MPND: variants seen among roughly 807,000 people sequenced by gnomAD.
MPND encodes the protein MPN domain containing.
MPND carries 56 observed loss-of-function variants against 59.2 expected under a neutral mutation model. That is an observed-to-expected ratio of 0.95 (90% CI 0.76 to 1.18). MPND has a LOEUF of 1.18. Ranked by LOEUF, MPND falls within the 50% of genes most tolerant of loss-of-function variation. The pLI, the probability that MPND is intolerant of heterozygous loss-of-function variation, is 0.00. For synonymous variants in MPND, 323 were observed against 291.9 expected (o/e 1.11, Z -1.09); for missense variants, 671 against 676.0 (o/e 0.99, Z 0.08).
At position 4,343,601 on chromosome 19, in the gene MPND, G is replaced by A. The variant is rs1972114500; in HGVS notation, c.7+1G>A. ...GCGCGGGGAGGCGCGGCCATGGCAG[G>A]TACGGCGGGCCCAGCGGGGCGGAGG... On this transcript the variant is annotated splice_donor_variant, in intron 1 of 12. Transcript: ENST00000599840. LOFTEE classifies it high-confidence loss of function. The A allele has an allele frequency of 4.1e-6, 5 of 1,218,522 alleles. No homozygotes were observed. The highest frequency in any genetic ancestry group is 5.1e-6 in the Non-Finnish European group (5 of 979,318). 75.5% of individuals were successfully genotyped at this position (1,218,522 alleles called of 1,614,324 possible).
rs967208861 is a variant in MPND at position 4,357,732 on chromosome 19, C to A, written c.1236+147C>A. 36 of 779,614 alleles carry A rather than the reference C, an allele frequency of 4.6e-5. No individual in the cohort carries two copies. The African/African-American group carries it at 4.9e-4, about 11-fold the overall frequency. 48.3% of individuals were successfully genotyped at this position (779,614 alleles called of 1,614,324 possible). A position where few individuals can be genotyped will look rare whatever the true frequency, so the allele number is the denominator to read the frequency against. On this transcript the variant is annotated intron_variant, in intron 10 of 12. Transcript: ENST00000599840. ...TATGAAATGGGGACGTGACTGCTGC[C>A]CTGCCCATATTTTGGTGAGGTCCTG...
At chr19:4,357,442 G>C (rs778667115) in intron 9 of MPND, 21 bp downstream of exon 9, 45 of 1,610,146 alleles carry the variant, frequency 2.8e-5, no homozygotes, top group Non-Finnish European at 3.7e-5. Flanking sequence ...TGGGGCTGTG[G>C]GGGGAGCAAG....
chr19:4,359,657 G>T (rs1230436759), intron 12 of MPND, among the ~76,000 whole-genome samples: 1 of 152,204 alleles, frequency 6.6e-6, no homozygotes, highest in African/African-American at 2.4e-5. Context: ...ACCAGGCAGG[G>T]AGGGGCTGAA....
At chr19:4,352,772 C>G in intron 3 of MPND, 125 bp from the exon 4 acceptor site, 1 of 952,038 alleles carries the variant, frequency 1.1e-6, no homozygotes, top group Non-Finnish European at 1.4e-6. Context: ...CTCCCTCCCT[C>G]TAGTGGTCAT....
Position 4,343,607 on chromosome 19 carries a change from C to T in MPND, c.7+7C>T. 1.8e-6 allele frequency: 2 copies of T among 1,110,484 alleles called. No individual in the cohort carries two copies. The highest frequency in any genetic ancestry group is 3.8e-5 in the East Asian group (1 of 26,618). 68.8% of individuals were successfully genotyped at this position (1,110,484 alleles called of 1,614,324 possible). On this transcript the variant is annotated splice_region_variant and intron_variant, in intron 1 of 12. Transcript: ENST00000599840. Reference sequence around the variant, plus strand: ...GGAGGCGCGGCCATGGCAGGTACGGCGGGCCCAGCGGGGCGGAGGCGCGGG... The same window carrying T: ...GGAGGCGCGGCCATGGCAGGTACGGTGGGCCCAGCGGGGCGGAGGCGCGGG...
Position 4,359,920 on chromosome 19 carries a change from C to G in MPND, c.1424C>G (p.Ser475Cys). Reference sequence around the variant, plus strand: ...GGCCCAGCCCCCTCGTTTCAGATCTCCTTGGCCAGCAGGACGCCCAAGGAC... The same window carrying G: ...GGCCCAGCCCCCTCGTTTCAGATCTGCTTGGCCAGCAGGACGCCCAAGGAC... The part of the protein sequence containing the change: ...EHTYLDKLKI[S>C]LASRTPKDQS... Residue 475 changes from serine to cysteine, a missense_variant, in exon 13 of 13, where the codon TCC becomes TGC. Physicochemically the swap from Ser to Cys is moderately radical, Grantham distance 112 (BLOSUM62 -1). Coordinates refer to ENST00000599840, the MANE Select transcript of MPND (RefSeq NM_001300862.2). 1.3e-6 allele frequency: 2 copies of G among 1,566,832 alleles called. No individual in the cohort carries two copies. Among genetic ancestry groups the G allele is most frequent in the South Asian group, 2.3e-5 (2 of 85,182 alleles).
Position 4,354,095 on chromosome 19 carries a change from C to T in MPND, c.715C>T (p.Arg239Cys), listed in dbSNP as rs372254296. 6.3e-5 allele frequency: 102 copies of T among 1,613,186 alleles called. No homozygotes were observed. The highest frequency in any genetic ancestry group is 1.2e-4 in the Admixed American group (7 of 59,972). Residue 239 changes from arginine (R) to cysteine (C), a missense_variant, in exon 5 of 13, where the codon CGC (arginine) becomes TGC (cysteine). Transcript: ENST00000599840. ...RVDSKIRVPV[R>C]YCMLGSRDLA... Reference sequence around the variant, plus strand: ...GGACAGCAAGATCCGGGTTCCGGTCCGCTACTGCATGCTGGGCAGCCGCGA... The same window carrying T: ...GGACAGCAAGATCCGGGTTCCGGTCTGCTACTGCATGCTGGGCAGCCGCGA...
At chr19:4,353,079 T>C (rs927247584) in intron 4 of MPND, 50 bp downstream of exon 4, 4 of 1,303,076 alleles carry the variant, frequency 3.1e-6, no homozygotes, top group South Asian at 2.9e-5. Context: ...ACAGCTCGGG[T>C]TGGGGAGGAG....
intron 3 of MPND, chr19:4,347,271 T>C (rs6510806): frequency 0.17 from 25,732 of 150,858 alleles, 4,825 homozygotes; most frequent in African/African-American, 0.47. Flanking sequence ...GACGGAGTCT[T>C]GCTCTGTCGC....
rs535369150 is a variant in MPND, at chr19:4,343,600, G to A, written c.7G>A (p.Ala3Thr). The change falls in exon 1 of 13, where the codon GCT becomes ACT. Residue 3 changes from alanine to threonine, a missense_variant and splice_region_variant. Ala to Thr is a moderately conservative substitution (Grantham distance 58). Coordinates refer to ENST00000599840, the MANE Select transcript of MPND (RefSeq NM_001300862.2). ...GGCGCGGGGAGGCGCGGCCATGGCA[G>A]GTACGGCGGGCCCAGCGGGGCGGAG... MA[A>T]PEPLSPAGGA... 5.0e-5 allele frequency: 61 copies of A among 1,213,292 alleles called. No homozygotes were observed. In the Middle Eastern group the frequency reaches 9.6e-4, roughly 19 times the overall value. The allele number at this position is 1,213,292 out of a possible 1,614,324, so 75.2% of individuals were successfully genotyped here.
At position 4,357,432 on chromosome 19, in the gene MPND, T is replaced by G. The variant is rs1972464834; in HGVS notation, c.1165+11T>G. 1 of 1,610,250 alleles carries G rather than the reference T, an allele frequency of 6.2e-7. No individual in the cohort carries two copies. The highest frequency in any genetic ancestry group is 8.5e-7 in the Non-Finnish European group (1 of 1,178,176). ...TCGCCCTGCTCTGCTGTACGCGGGA[T>G]GGGGCTGTGGGGGGAGCAAGGAGGG... On this transcript the variant is annotated intron_variant, in intron 9 of 12. Coordinates refer to ENST00000599840, the MANE Select transcript of MPND (RefSeq NM_001300862.2).
intron 12 of MPND, among the ~76,000 whole-genome samples, 178 bp downstream of exon 12, chr19:4,359,433 T>C (rs1232535913): frequency 6.6e-6 from 1 of 152,116 alleles, no homozygotes; most frequent in Non-Finnish European, 1.5e-5. Context: ...CAGATTTGAT[T>C]GGACTGTGGA....
chr19:4,354,549 T>C (rs1224543390), intron 6 of MPND, 129 bp downstream of exon 6: 7 of 756,724 alleles, frequency 9.3e-6, no homozygotes, highest in East Asian at 2.7e-5. Context: ...ACTGGTACAC[T>C]GTGGGTGCTC....
intron 8 of MPND, 42 bp from the exon 9 acceptor site, chr19:4,357,211 G>T (rs200267200): frequency 2.6e-6 from 4 of 1,549,740 alleles, no homozygotes; most frequent in Admixed American, 3.8e-5. Context: ...CACTAGAGCC[G>T]TTCAGGCCCC....
intron 3 of MPND, among the ~76,000 whole-genome samples, chr19:4,346,217 C>T (rs1972183231): frequency 1.3e-5 from 2 of 152,120 alleles, no homozygotes; most frequent in Non-Finnish European, 1.5e-5. Flanking sequence ...AAGGGAAGAG[C>T]TTTCTAGAAG....
At chr19:4,357,853 C>CA (rs1451350732) in intron 10 of MPND, 2 of 606,504 alleles carry the variant, frequency 3.3e-6, no homozygotes, top group African/African-American at 1.9e-5. Flanking sequence ...GCCCTGAAGT[C>CA]AGAGGTCAGC....
intron 12 of MPND, 53 bp from the exon 13 acceptor site, chr19:4,359,863 A>G: frequency 7.0e-7 from 1 of 1,435,812 alleles, no homozygotes; most frequent in Non-Finnish European, 9.5e-7. Context: ...TGTGAGGCGC[A>G]GGGCTGGCTA....
Position 4,345,821 on chromosome 19 carries a change from C to T in MPND, c.371C>T (p.Pro124Leu). ...WQETGQTFNS[P>L]SAWATHCKKL... ...GAGACCGGGCAGACCTTCAACTCAC[C>T]CAGCGCCTGGGCCACCCACTGCAAG... Residue 124 changes from proline (P) to leucine (L), a missense_variant, in exon 3 of 13, where the codon CCC becomes CTC. Transcript: ENST00000599840. The T allele has an allele frequency of 3.1e-6, 5 of 1,613,962 alleles. No homozygotes were observed. The highest frequency in any genetic ancestry group is 4.2e-6 in the Non-Finnish European group (5 of 1,180,014).
chr19:4,350,087 G>A (rs116423832), intron 3 of MPND, among the ~76,000 whole-genome samples: 4,744 of 152,010 alleles, frequency 0.031, 258 homozygotes, highest in African/African-American at 0.11. Flanking sequence ...AGGTGGTTGG[G>A]GGGGCTTCAC....
Sources: gnomAD v4.1 joint callset for allele counts (sites outside exome capture counted in the v4.1 genomes callset) on GRCh38, gnomAD v4.1.1 for gene constraint, MANE v1.5 for transcripts, NCBI Gene and HGNC (gene_info 2026-07-23, HGNC 2026-07-21) for gene names.